SAMMSON: variants seen among roughly 807,000 people sequenced by gnomAD.
SAMMSON encodes the protein long intergenic non-protein coding RNA 1212.
chr3:70,125,157 C>T (rs1268146585), intron 4 of SAMMSON: 3 of 1,572,996 alleles, frequency 1.9e-6, no homozygotes, highest in Non-Finnish European at 2.6e-6. Context: ...AGCACATATC[C>T]ATTAGCTTCC....
At chr3:70,167,809 C>T (rs549929310) in intron 4 of SAMMSON, among the ~76,000 whole-genome samples, 1 of 152,054 alleles carries the variant, frequency 6.6e-6, no homozygotes. Context: ...ATGACTACAG[C>T]GATAGGCTTC....
chr3:70,264,891 A>C (rs1701901576), intron 6 of SAMMSON, among the ~76,000 whole-genome samples: 1 of 152,196 alleles, frequency 6.6e-6, no homozygotes, highest in South Asian at 2.1e-4. Context: ...TTTATACAGG[A>C]AAGACGATTA....
At chr3:70,321,954 A>T (rs928647629) in intron 7 of SAMMSON, among the ~76,000 whole-genome samples, 1 of 152,090 alleles carries the variant, frequency 6.6e-6, no homozygotes, top group Admixed American at 6.6e-5. Flanking sequence ...AGCTTTTAGT[A>T]CATTTGCAAG....
chr3:70,348,278 AC>A (rs1288542293), intron 7 of SAMMSON, among the ~76,000 whole-genome samples: 2 of 152,206 alleles, frequency 1.3e-5, no homozygotes, highest in Non-Finnish European at 2.9e-5. Context: ...ATGGTCATGG[AC>A]AGAGGGAATA....
chr3:70,383,479 G>A (rs1265289399), intron 9 of SAMMSON, among the ~76,000 whole-genome samples: 1 of 151,896 alleles, frequency 6.6e-6, no homozygotes, highest in Non-Finnish European at 1.5e-5. Flanking sequence ...GGCCATGACC[G>A]CTCATGTTCT....
intron 4 of SAMMSON, among the ~76,000 whole-genome samples, chr3:70,237,143 G>A (rs747767323): frequency 6.6e-6 from 1 of 152,098 alleles, no homozygotes; most frequent in African/African-American, 2.4e-5. Flanking sequence ...TGCATATCTG[G>A]TTTTTACTTA....
At chr3:70,265,076 A>C (rs1701903649) in intron 6 of SAMMSON, among the ~76,000 whole-genome samples, 1 of 152,134 alleles carries the variant, frequency 6.6e-6, no homozygotes, top group African/African-American at 2.4e-5. Flanking sequence ...CAGCGCAGGA[A>C]AGACCTGCCC....
At chr3:70,373,395 T>G (rs867446693) in intron 9 of SAMMSON, among the ~76,000 whole-genome samples, 2 of 152,192 alleles carry the variant, frequency 1.3e-5, no homozygotes, top group Non-Finnish European at 2.9e-5. Context: ...TTTTCAAGTT[T>G]TCCTTTGTTT....
intron 6 of SAMMSON, among the ~76,000 whole-genome samples, chr3:70,252,759 C>T (rs1701781414): frequency 6.6e-6 from 1 of 151,918 alleles, no homozygotes; most frequent in Admixed American, 6.6e-5. Context: ...CATCAGTGAA[C>T]AAAACAAACT....
intron 7 of SAMMSON, among the ~76,000 whole-genome samples, chr3:70,311,684 A>G (rs2106710530): frequency 6.6e-6 from 1 of 152,268 alleles, no homozygotes; most frequent in Middle Eastern, 3.4e-3. Context: ...TACAGGGACC[A>G]CAAGAAGCAT....
At chr3:70,164,908 A>G (rs1559526417) in intron 4 of SAMMSON, among the ~76,000 whole-genome samples, 1 of 152,064 alleles carries the variant, frequency 6.6e-6, no homozygotes, top group African/African-American at 2.4e-5. Flanking sequence ...GAAAACTTAC[A>G]AACTGCTTCT....
chr3:70,207,121 C>T (rs1701299004), intron 4 of SAMMSON, among the ~76,000 whole-genome samples: 1 of 151,182 alleles, frequency 6.6e-6, no homozygotes, highest in Non-Finnish European at 1.5e-5. Context: ...TTGTCAGCCT[C>T]CTGTCACAGA....
intron 1 of SAMMSON, among the ~76,000 whole-genome samples, chr3:70,004,775 G>T (rs2066919409): frequency 6.7e-6 from 1 of 149,652 alleles, no homozygotes; most frequent in East Asian, 1.9e-4. Context: ...TTCAGATAAT[G>T]AGACATAAAG....
chr3:70,060,689 C>T (rs913900537), intron 3 of SAMMSON, among the ~76,000 whole-genome samples: 4 of 152,120 alleles, frequency 2.6e-5, no homozygotes, highest in Non-Finnish European at 5.9e-5. Flanking sequence ...TGCTGTTAAA[C>T]ATCCTACAAT....
intron 4 of SAMMSON, chr3:70,137,582 C>T (rs2067511123): frequency 6.6e-6 from 1 of 152,156 alleles, no homozygotes; most frequent in Admixed American, 6.6e-5. Context: ...TATTTCCTTT[C>T]TGGCTCTTTA....
chr3:70,073,246 A>T (rs373239779), intron 4 of SAMMSON, among the ~76,000 whole-genome samples: 8 of 152,214 alleles, frequency 5.3e-5, no homozygotes, highest in African/African-American at 1.9e-4. Flanking sequence ...CAGTATAAAA[A>T]AATTATTCTA....
intron 4 of SAMMSON, among the ~76,000 whole-genome samples, chr3:70,139,370 T>C (rs1189886351): frequency 6.6e-6 from 1 of 152,122 alleles, no homozygotes; most frequent in Non-Finnish European, 1.5e-5. Context: ...TTTCTTTGGC[T>C]TATCCAGACC....
At chr3:70,142,883 G>A (rs1035264124) in intron 4 of SAMMSON, among the ~76,000 whole-genome samples, 1 of 152,054 alleles carries the variant, frequency 6.6e-6, no homozygotes, top group African/African-American at 2.4e-5. Flanking sequence ...CTGTACAAAA[G>A]AAACATAATT....
At chr3:70,303,875 G>A (rs1349302040) in intron 7 of SAMMSON, among the ~76,000 whole-genome samples, 1 of 151,952 alleles carries the variant, frequency 6.6e-6, no homozygotes, top group Non-Finnish European at 1.5e-5. Context: ...TAGAGATGGA[G>A]TTTGACCATG....
Sources: allele counts gnomAD v4.1 joint callset (sites outside exome capture counted in the v4.1 genomes callset), GRCh38; gene constraint gnomAD v4.1.1; transcripts MANE v1.5; gene names NCBI Gene and HGNC (gene_info 2026-07-23, HGNC 2026-07-21).